The following PTPN20 variants were observed in gnomAD, a reference collection of about 807,000 sequenced individuals.
PTPN20 encodes the protein tyrosine-protein phosphatase non-receptor type 20.
A neutral mutation model predicts 35.0 loss-of-function variants in PTPN20; 9 were observed. That is an observed-to-expected ratio of 0.26 (90% CI 0.15 to 0.45). The LOEUF (loss-of-function observed/expected upper bound fraction) is 0.45. Among genes scored for constraint, PTPN20 ranks in the 20% least tolerant of loss-of-function variants. The pLI is 1.00. For synonymous variants in PTPN20, 32 were observed against 100.2 expected, an observed-to-expected ratio of 0.32 and a Z score of 4.06; for missense variants, 111 against 312.5, an observed-to-expected ratio of 0.36 and a Z score of 4.86.
intron 5 of PTPN20, among the ~76,000 whole-genome samples, chr10:46,954,887 A>G (rs2047995218): frequency 2.0e-5 from 3 of 151,542 alleles, no homozygotes; most frequent in African/African-American, 7.3e-5. Context: ...TTCTGCATCT[A>G]CAAATTCAAC....
chr10:46,983,231 C>T (rs1381847750), intron 7 of PTPN20, among the ~76,000 whole-genome samples: 10 of 152,064 alleles, frequency 6.6e-5, no homozygotes, highest in East Asian at 3.9e-4. Flanking sequence ...TGTGAGCCAC[C>T]GCGCCTGGCT....
Position 46,938,906 on chromosome 10 carries a change from A to G in PTPN20, c.35-1717A>G, listed in dbSNP as rs1386677991. Among the ~76,000 whole-genome samples the G allele has an allele frequency of 1.3e-4, 18 of 143,498 alleles. No homozygotes were observed. The Middle Eastern group carries it at 0.011, about 87-fold the overall frequency. The allele number at this position is 143,498 out of a possible 152,430, so 94.1% of individuals were successfully genotyped here. On this transcript the variant is annotated intron_variant, in intron 2 of 10. Transcript: ENST00000374339. The stretch of plus-strand genomic sequence containing the variant: ...TTACAGTAAATCTCTCATAAGCATA[A>G]ATGAAAGTCAATTGTAGGTTGTTTT...
At chr10:46,998,468 T>C (rs1454564108) in intron 9 of PTPN20, among the ~76,000 whole-genome samples, 6 of 152,204 alleles carry the variant, frequency 3.9e-5, no homozygotes, top group African/African-American at 1.2e-4. Context: ...CAGATTACTA[T>C]TTTCCAAGGG....
intron 7 of PTPN20, among the ~76,000 whole-genome samples, chr10:46,975,982 G>C (rs1480291837): frequency 6.6e-6 from 1 of 151,230 alleles, no homozygotes; most frequent in Non-Finnish European, 1.5e-5. Flanking sequence ...TTAAGAATCA[G>C]AGTCTACTTG....
chr10:46,922,604 C>G (rs1288077355), intron 1 of PTPN20, among the ~76,000 whole-genome samples: 1 of 123,542 alleles, frequency 8.1e-6, no homozygotes. Flanking sequence ...GCAAAGGAAC[C>G]AGCACTTGAT....
chr10:47,000,285 T>C (rs1428654448), intron 10 of PTPN20, among the ~76,000 whole-genome samples: 1 of 152,198 alleles, frequency 6.6e-6, no homozygotes, highest in Non-Finnish European at 1.5e-5. Context: ...CTAAAGTTAT[T>C]TTTAAAACAT....
At chr10:46,940,600 T>C (rs1555133954) in intron 2 of PTPN20, 23 bp from the exon 3 acceptor site, 6 of 1,596,224 alleles carry the variant, frequency 3.8e-6, no homozygotes, top group South Asian at 1.1e-5. Flanking sequence ...ATTTGATCAG[T>C]TTTTCCCCCC....
chr10:46,996,942 TG>T (rs2059212061), intron 9 of PTPN20, among the ~76,000 whole-genome samples: 1 of 152,196 alleles, frequency 6.6e-6, no homozygotes, highest in African/African-American at 2.4e-5. Flanking sequence ...TTTTCAAAAT[TG>T]TTTGAGCTAT....
In PTPN20 at chr10:46,931,187, CA is replaced by C. The variant is rs2039475852; in HGVS notation, c.-123-1189del. Among the ~76,000 whole-genome samples, 4 of 97,616 alleles carry C rather than the reference CA, an allele frequency of 4.1e-5. No homozygotes were observed. In the Admixed American group the frequency reaches 4.2e-4, roughly 10 times the overall value. 64.0% of individuals were successfully genotyped at this position (97,616 alleles called of 152,430 possible). A position where few individuals can be genotyped will look rare whatever the true frequency, so the allele number is the denominator to read the frequency against. ...ATTATAATCTTTAGTGTTACCTTAT[CA>C]GACAGAAATTATTTGTATCACTGCT... On this transcript the variant is annotated intron_variant, in intron 1 of 10. Coordinates refer to ENST00000374339, the MANE Select transcript of PTPN20 (RefSeq NM_001042357.5).
rs2060060070 is a variant in PTPN20, at chr10:47,001,790, T to C, written c.*1049T>C. 6.6e-6 allele frequency: 1 copy of C among 152,160 alleles called. No individual in the cohort carries two copies. Among genetic ancestry groups the C allele is most frequent in the East Asian group, 1.9e-4 (1 of 5,188 alleles). 9.4% of individuals were successfully genotyped at this position (152,160 alleles called of 1,614,324 possible). A position where few individuals can be genotyped will look rare whatever the true frequency, so the allele number is the denominator to read the frequency against. On this transcript the variant is annotated 3_prime_UTR_variant, in exon 11 of 11. Transcript: ENST00000374339. ...ATAGTCATGAAAATGGAAACTTCCA[T>C]ATTCTGTTTTTGAAAAGATGTGGCC... is the stretch of plus-strand genomic sequence containing the variant.
rs534111887 is a variant in PTPN20 at position 47,001,652 on chromosome 10, A to C, written c.*911A>C. 1 of 152,096 alleles carries C rather than the reference A, an allele frequency of 6.6e-6. No homozygotes were observed. The highest frequency in any genetic ancestry group is 2.4e-5 in the African/African-American group (1 of 41,418). The allele number at this position is 152,096 out of a possible 1,614,324, so 9.4% of individuals were successfully genotyped here. On this transcript the variant is annotated 3_prime_UTR_variant, in exon 11 of 11. Transcript: ENST00000374339. ...TGATGTATTTTTCAAACTAAGATCTATGATAGTTTTTTTTCCAGAGTTCCA... is the reference window on the plus strand; with the variant it reads ...TGATGTATTTTTCAAACTAAGATCTCTGATAGTTTTTTTTCCAGAGTTCCA...
chr10:47,000,952 T>C lies in PTPN20; in HGVS notation c.*211T>C, dbSNP rs2059971016. The C allele has an allele frequency of 1.3e-5, 8 of 619,366 alleles. No individual in the cohort carries two copies. Among genetic ancestry groups the C allele is most frequent in the Non-Finnish European group, 2.3e-5 (8 of 344,374 alleles). 38.4% of individuals were successfully genotyped at this position (619,366 alleles called of 1,614,324 possible). A position where few individuals can be genotyped will look rare whatever the true frequency, so the allele number is the denominator to read the frequency against. On this transcript the variant is annotated 3_prime_UTR_variant, in exon 11 of 11. Transcript: ENST00000374339. ...TACTTATTGATCTTGCTAGACAATA[T>C]CAAAATAACTTCCCACATTTTCCAG...
chr10:46,949,270 G>C (rs1368687134), intron 5 of PTPN20, among the ~76,000 whole-genome samples: 1 of 152,186 alleles, frequency 6.6e-6, no homozygotes, highest in Admixed American at 6.5e-5. Flanking sequence ...GTGAACTTGA[G>C]TCTGTGAATG....
chr10:46,977,468 G>C (rs2054114673), intron 7 of PTPN20, among the ~76,000 whole-genome samples: 2 of 152,230 alleles, frequency 1.3e-5, no homozygotes, highest in African/African-American at 4.8e-5. Flanking sequence ...AAGATGTAAA[G>C]GCATTAATGA....
At chr10:46,946,471 CAATT>C in intron 4 of PTPN20, 88 bp from the exon 5 acceptor site, 4 of 1,165,228 alleles carry the variant, frequency 3.4e-6, no homozygotes, top group Non-Finnish European at 4.9e-6. Context: ...AAATGAATGT[CAATT>C]AAATAATCAA....
intron 10 of PTPN20, 32 bp downstream of exon 10, chr10:47,000,006 A>G (rs782595074): frequency 6.8e-5 from 110 of 1,612,724 alleles, no homozygotes; most frequent in Non-Finnish European, 9.2e-5. Context: ...AATAATAAGA[A>G]TAATGAATAT....
chr10:46,995,231 T>C (rs1346092725), intron 9 of PTPN20, among the ~76,000 whole-genome samples: 1 of 152,058 alleles, frequency 6.6e-6, no homozygotes, highest in Non-Finnish European at 1.5e-5. Context: ...GAATGAAGGA[T>C]TAGTTATTTA....
At chr10:46,994,142 A>G (rs1483113729) in intron 9 of PTPN20, among the ~76,000 whole-genome samples, 1 of 151,254 alleles carries the variant, frequency 6.6e-6, no homozygotes, top group Non-Finnish European at 1.5e-5. Context: ...CTCCTGGCCT[A>G]TATGATTTCT....
chr10:46,984,014 A>T (rs1158192428), intron 7 of PTPN20, among the ~76,000 whole-genome samples: 8 of 151,902 alleles, frequency 5.3e-5, no homozygotes, highest in Non-Finnish European at 1.5e-5. Context: ...AAAAATAAAC[A>T]TCCCATAATT....
Sources: allele counts gnomAD v4.1 joint callset (sites outside exome capture counted in the v4.1 genomes callset), GRCh38; gene constraint gnomAD v4.1.1; transcripts MANE v1.5; gene names NCBI Gene and HGNC (gene_info 2026-07-23, HGNC 2026-07-21).